Variants in MAPKBP1 observed in about 807,000 individuals in gnomAD.
MAPKBP1 encodes the protein mitogen-activated protein kinase binding protein 1.
MAPKBP1 carries 71 observed loss-of-function variants against 170.5 expected under a neutral mutation model. The observed-to-expected ratio is 0.42, with a 90% CI of 0.34 to 0.51. The LOEUF is 0.51. Among genes scored for constraint, MAPKBP1 ranks in the 20% least tolerant of loss-of-function variants. The pLI, the probability that MAPKBP1 is intolerant of heterozygous loss-of-function variation, is 0.06. For missense variants in MAPKBP1, 1,598 were observed against 1,933.0 expected, an observed-to-expected ratio of 0.83 and a Z score of 3.25; for synonymous variants, 719 against 757.9, an observed-to-expected ratio of 0.95 and a Z score of 0.84.
chr15:41,793,059 A>T (rs1322927608), intron 2 of MAPKBP1, among the ~76,000 whole-genome samples: 2 of 152,188 alleles, frequency 1.3e-5, no homozygotes, highest in Non-Finnish European at 2.9e-5. Flanking sequence ...GACAGATTGA[A>T]TGCAGATGCA....
At position 41,823,486 on chromosome 15, in the gene MAPKBP1, C is replaced by T; in HGVS notation, c.3638C>T (p.Ala1213Val). The T allele has an allele frequency of 6.2e-7, 1 of 1,614,002 alleles. No individual in the cohort carries two copies. Among genetic ancestry groups the T allele is most frequent in the Non-Finnish European group, 8.5e-7 (1 of 1,179,932 alleles). ...EASLQAPSPG[A>V]LLSREIEAQD... is the part of the protein sequence containing the mutation. ...AGTCTGCAGGCCCCTTCACCAGGCG[C>T]ACTGCTGTCTCGGGAGATCGAAGCT... The change falls in exon 29 of 31, where the codon GCA (alanine) becomes GTA (valine). Residue 1213 changes from alanine to valine, a missense_variant. Physicochemically the swap from Ala to Val is moderately conservative, Grantham distance 64. Around this residue, in one of 6 missense-constraint regions of MAPKBP1, gnomAD observed 942 missense variants for 953.2 expected, o/e 0.99. Transcript: ENST00000457542.
At chr15:41,801,188 T>C (rs1037219819) in intron 3 of MAPKBP1, among the ~76,000 whole-genome samples, 5 of 152,264 alleles carry the variant, frequency 3.3e-5, no homozygotes, top group Admixed American at 2.6e-4. Context: ...TTAGCTATTA[T>C]GAATATTCGC....
intron 12 of MAPKBP1, chr15:41,816,283 G>A: frequency 2.2e-6 from 1 of 463,094 alleles, no homozygotes; most frequent in South Asian, 3.6e-5. Context: ...GACATAGTAG[G>A]AAAACTGGTG....
At chr15:41,807,576 G>T (rs1452884913) in intron 3 of MAPKBP1, among the ~76,000 whole-genome samples, 1 of 152,198 alleles carries the variant, frequency 6.6e-6, no homozygotes, top group Non-Finnish European at 1.5e-5. Flanking sequence ...TCAGACTAGA[G>T]CCTTTGCTGG....
At chr15:41,825,120 C>G in intron 30 of MAPKBP1, 89 bp from the exon 31 acceptor site, 1 of 970,146 alleles carries the variant, frequency 1.0e-6, no homozygotes, top group East Asian at 2.7e-5. Context: ...CTAGTCCCTT[C>G]TGAGGCAGGC....
chr15:41,805,261 G>A (rs745369446), intron 3 of MAPKBP1, among the ~76,000 whole-genome samples: 9 of 152,336 alleles, frequency 5.9e-5, no homozygotes, highest in African/African-American at 1.2e-4. Context: ...TCCCTTGGCC[G>A]TTGTTTCCCC....
chr15:41,825,662 A>C lies in MAPKBP1; in HGVS notation c.*226A>C. Reference sequence around the variant, plus strand: ...GAACTCCTGCCTCCACAGCCCCTCCAGTGGCAGGGACAGGTCTTGGGTCTT... The same window carrying C: ...GAACTCCTGCCTCCACAGCCCCTCCCGTGGCAGGGACAGGTCTTGGGTCTT... On this transcript the variant is annotated 3_prime_UTR_variant, in exon 31 of 31. Coordinates refer to ENST00000457542, the MANE Select transcript of MAPKBP1 (RefSeq NM_014994.3). 2.0e-6 allele frequency: 1 copy of C among 497,070 alleles called. No homozygotes were observed. Among genetic ancestry groups the C allele is most frequent in the Non-Finnish European group, 3.6e-6 (1 of 278,806 alleles). The allele number at this position is 497,070 out of a possible 1,614,324, so 30.8% of individuals were successfully genotyped here.
chr15:41,818,990 G>GTGTGCAGA lies in MAPKBP1; in HGVS notation c.2291+36_2291+43dup, dbSNP rs1402267492. ...CAGAATGTGGGCAAGTGATGGGTGG[G>GTGTGCAGA]TGTGCAGATGGCTTGCTGGGACCTC... On this transcript the variant is annotated intron_variant, in intron 20 of 30. Transcript: ENST00000457542. The surrounding 1 kb of genome is among the most constrained non-coding windows in gnomAD (Gnocchi z 5.2). 6.2e-7 allele frequency: 1 copy of GTGTGCAGA among 1,608,348 alleles called. No homozygotes were observed. The highest frequency in any genetic ancestry group is 1.7e-5 in the Admixed American group (1 of 59,906).
In MAPKBP1 at chr15:41,813,652, A is replaced by G. The variant is rs2064841893; in HGVS notation, c.851A>G (p.Gln284Arg). The G allele has an allele frequency of 6.2e-7, 1 of 1,614,102 alleles. No individual in the cohort carries two copies. Among genetic ancestry groups the G allele is most frequent in the African/African-American group, 1.3e-5 (1 of 75,034 alleles). Residue 284 changes from glutamine (Q) to arginine (R), a missense_variant, in exon 9 of 31, where the codon CAA becomes CGA. Transcript: ENST00000457542. Reference protein sequence around the residue: ...TTVAHCISVSQDYIFCGCADG... With the variant: ...TTVAHCISVSRDYIFCGCADG... ...GTGGCCCACTGCATCTCTGTGAGCC[A>G]AGACTACATCTTCTGTGGCTGTGCT...
In MAPKBP1 at chr15:41,825,290, G is replaced by A. The variant is rs781103655; in HGVS notation, c.4381G>A (p.Glu1461Lys). ...LRDTFSSVRQ[E>K]LEAVAGAVLS... ...AGACACCTTCTCTTCAGTGCGACAGGAGCTGGAAGCTGTGGCTGGGGCAGT... is the reference window on the plus strand; with the variant it reads ...AGACACCTTCTCTTCAGTGCGACAGAAGCTGGAAGCTGTGGCTGGGGCAGT... Residue 1461 changes from glutamate (E) to lysine (K), a missense_variant, in exon 31 of 31, where the codon GAG becomes AAG. Around this residue, in one of 6 missense-constraint regions of MAPKBP1, gnomAD observed 942 missense variants for 953.2 expected, o/e 0.99. Coordinates refer to ENST00000457542, the MANE Select transcript of MAPKBP1 (RefSeq NM_014994.3). 1 of 1,612,746 alleles carries A rather than the reference G, an allele frequency of 6.2e-7. No individual in the cohort carries two copies. Among genetic ancestry groups the A allele is most frequent in the South Asian group, 1.1e-5 (1 of 91,058 alleles).
chr15:41,810,091 C>T (rs947120040), intron 3 of MAPKBP1, among the ~76,000 whole-genome samples: 1 of 152,234 alleles, frequency 6.6e-6, no homozygotes, highest in East Asian at 1.9e-4. Flanking sequence ...TTGCCAGGTA[C>T]ACACGTGGGT....
At chr15:41,776,116 C>A (rs150479806) in intron 2 of MAPKBP1, among the ~76,000 whole-genome samples, 1 of 152,292 alleles carries the variant, frequency 6.6e-6, no homozygotes, top group East Asian at 1.9e-4. Context: ...CTAAATAAAC[C>A]CCACAACTTT....
intron 3 of MAPKBP1, among the ~76,000 whole-genome samples, chr15:41,806,332 C>T (rs1283061962): frequency 1.3e-5 from 2 of 152,220 alleles, no homozygotes; most frequent in Non-Finnish European, 2.9e-5. Flanking sequence ...TGGCATGCTT[C>T]TGTGAGTCAT....
chr15:41,811,359 G>A (rs1304271875), intron 5 of MAPKBP1, 124 bp downstream of exon 5: 14 of 1,014,994 alleles, frequency 1.4e-5, no homozygotes, highest in East Asian at 2.5e-5. Flanking sequence ...CCTGGTTTTC[G>A]CTATACCTTA....
chr15:41,798,724 C>T (rs2064540176), intron 2 of MAPKBP1, among the ~76,000 whole-genome samples: 1 of 152,184 alleles, frequency 6.6e-6, no homozygotes, highest in Non-Finnish European at 1.5e-5. Context: ...AAGCATCCAC[C>T]CTAAGTGTTT....
intron 2 of MAPKBP1, among the ~76,000 whole-genome samples, chr15:41,795,292 G>C (rs2064469094): frequency 6.6e-6 from 1 of 152,176 alleles, no homozygotes; most frequent in Admixed American, 6.5e-5. Flanking sequence ...AAAGACTTCA[G>C]GAAATTAGCT....
At position 41,816,729 on chromosome 15, in the gene MAPKBP1, T is replaced by C. The variant is rs750961107; in HGVS notation, c.1585+79T>C. 523 of 1,469,954 alleles carry C rather than the reference T, an allele frequency of 3.6e-4. 5 individuals carry two copies. The highest frequency in any genetic ancestry group is 3.2e-3 in the South Asian group (281 of 87,736). 91.1% of individuals were successfully genotyped at this position (1,469,954 alleles called of 1,614,324 possible). A position where few individuals can be genotyped will look rare whatever the true frequency, so the allele number is the denominator to read the frequency against. On this transcript the variant is annotated intron_variant, in intron 13 of 30. Transcript: ENST00000457542. Reference sequence around the variant, plus strand: ...TTATATCTGTCCCGGCTCTTGGACGTGGGGTCGGTAATCTTTGGATCATTG... The same window carrying C: ...TTATATCTGTCCCGGCTCTTGGACGCGGGGTCGGTAATCTTTGGATCATTG...
At chr15:41,802,491 C>T (rs767318886) in intron 3 of MAPKBP1, among the ~76,000 whole-genome samples, 3 of 151,840 alleles carry the variant, frequency 2.0e-5, no homozygotes, top group Non-Finnish European at 1.5e-5. Flanking sequence ...ATCTTTTTTC[C>T]GAGATGGAGT....
At chr15:41,790,014 T>G (rs532951209) in intron 2 of MAPKBP1, among the ~76,000 whole-genome samples, 18 of 152,366 alleles carry the variant, frequency 1.2e-4, no homozygotes, top group African/African-American at 4.1e-4. Context: ...TTCCACTCAC[T>G]ACTTACTCTT....
Sources: allele counts gnomAD v4.1 joint callset (sites outside exome capture counted in the v4.1 genomes callset), GRCh38; gene constraint gnomAD v4.1.1; regional missense constraint gnomAD v4.1.1; non-coding constraint Gnocchi (gnomAD v3.1); transcripts MANE v1.5; gene names NCBI Gene and HGNC (gene_info 2026-07-23, HGNC 2026-07-21).